The following TEX9 variants were observed in gnomAD, a reference collection of about 807,000 sequenced individuals.
TEX9 encodes the protein testis-expressed protein 9.
Under a neutral mutation model 59.6 loss-of-function variants are expected in TEX9, and 74 were observed. The ratio of observed to expected loss-of-function variants is 1.24; its 90% confidence interval spans 1.03 to 1.51. The LOEUF is 1.51. Ranked by LOEUF, TEX9 falls within the 40% of genes most tolerant of loss-of-function variation. The pLI, the probability that TEX9 is intolerant of heterozygous loss-of-function variation, is 0.00. For missense variants in TEX9, 522 were observed against 447.8 expected, an observed-to-expected ratio of 1.17 and a Z score of -1.49; for synonymous variants, 186 against 152.2, an observed-to-expected ratio of 1.22 and a Z score of -1.64.
At chr15:56,422,751 T>C (rs1297222162) in intron 10 of TEX9, among the ~76,000 whole-genome samples, 1 of 152,022 alleles carries the variant, frequency 6.6e-6, no homozygotes, top group Non-Finnish European at 1.5e-5. Flanking sequence ...AACCTATCCA[T>C]GAACTCTTTT....
chr15:56,278,507 C>A (rs1348256005), intron 1 of TEX9, among the ~76,000 whole-genome samples: 1 of 152,186 alleles, frequency 6.6e-6, no homozygotes, highest in Middle Eastern at 3.2e-3. Context: ...AGCCTGGGTA[C>A]TGTGAGAGAT....
chr15:56,378,777 C>T (rs2047579377), intron 3 of TEX9, among the ~76,000 whole-genome samples: 1 of 151,866 alleles, frequency 6.6e-6, no homozygotes, highest in African/African-American at 2.4e-5. Flanking sequence ...CTTTAAGATG[C>T]ATTGCTGGCT....
chr15:56,328,759 A>C (rs1475244280), intron 1 of TEX9, among the ~76,000 whole-genome samples: 1 of 152,090 alleles, frequency 6.6e-6, no homozygotes, highest in Non-Finnish European at 1.5e-5. Context: ...CCAGCTCAGC[A>C]CTCAGTGGTA....
intron 1 of TEX9, among the ~76,000 whole-genome samples, chr15:56,321,095 A>G (rs1253715120): frequency 6.6e-6 from 1 of 152,144 alleles, no homozygotes; most frequent in Non-Finnish European, 1.5e-5. Flanking sequence ...TTTATTTCCT[A>G]CTTGTGGGAA....
At chr15:56,334,159 T>C (rs545554516) in intron 1 of TEX9, among the ~76,000 whole-genome samples, 1 of 151,916 alleles carries the variant, frequency 6.6e-6, no homozygotes, top group East Asian at 1.9e-4. Context: ...ACAAAAAAAA[T>C]CCTAAAATTT....
intron 1 of TEX9, among the ~76,000 whole-genome samples, chr15:56,251,135 G>C (rs1455875279): frequency 6.6e-6 from 1 of 152,178 alleles, no homozygotes; most frequent in Non-Finnish European, 1.5e-5. Context: ...GTACATAAAT[G>C]TTTATTCCCA....
upstream of TEX9, among the ~76,000 whole-genome samples, chr15:56,365,008 T>C (rs150574408): frequency 9.8e-5 from 15 of 152,326 alleles, no homozygotes; most frequent in African/African-American, 3.4e-4. Flanking sequence ...GCCTGAGTCT[T>C]AGCCATGCAT....
At chr15:56,279,274 A>G (rs2044758009) in intron 1 of TEX9, among the ~76,000 whole-genome samples, 2 of 152,206 alleles carry the variant, frequency 1.3e-5, no homozygotes, top group Non-Finnish European at 1.5e-5. Context: ...TAGGGAAGTG[A>G]ATGACATATA....
rs1438215943 is a variant in TEX9 at position 56,356,311 on chromosome 15, C to G, written c.-106-17130C>G. ...TAGGTTGAAGAAGTTCCCTTCTATT[C>G]TTAGTTGGATGAGAATCCAATGTTT... On this transcript the variant is annotated intron_variant, in intron 1 of 5. Coordinates refer to the TEX9 transcript ENST00000560827. Among the ~76,000 whole-genome samples the G allele has an allele frequency of 2.0e-5, 3 of 151,970 alleles. No individual in the cohort carries two copies. The East Asian group carries it at 5.8e-4, about 29-fold the overall frequency.
chr15:56,428,504 T>TAG (rs1422259647), intron 12 of TEX9: 1 of 1,197,694 alleles, frequency 8.3e-7, no homozygotes, highest in African/African-American at 1.5e-5. Flanking sequence ...TTACTTATTG[T>TAG]AGTGGTTTGA....
chr15:56,352,874 C>T (rs2046611272), intron 1 of TEX9, among the ~76,000 whole-genome samples: 1 of 152,192 alleles, frequency 6.6e-6, no homozygotes, highest in Non-Finnish European at 1.5e-5. Context: ...TACATAGTTT[C>T]ATACTATATG....
At chr15:56,296,330 GT>G (rs1312211056) in intron 1 of TEX9, among the ~76,000 whole-genome samples, 1 of 151,914 alleles carries the variant, frequency 6.6e-6, no homozygotes, top group African/African-American at 2.4e-5. Flanking sequence ...ATTCCATTTT[GT>G]TTTAGAGCCC....
intron 9 of TEX9, among the ~76,000 whole-genome samples, chr15:56,403,266 T>A (rs1322153656): frequency 6.6e-6 from 1 of 152,246 alleles, no homozygotes; most frequent in African/African-American, 2.4e-5. Context: ...CTCCTTAAGC[T>A]GATGAGGAAC....
intron 9 of TEX9, among the ~76,000 whole-genome samples, chr15:56,405,173 G>A (rs2049013729): frequency 6.6e-6 from 1 of 152,008 alleles, no homozygotes; most frequent in Admixed American, 6.6e-5. Context: ...GCGTGGTGGT[G>A]GGCGCCTGTA....
chr15:56,246,674 A>G (rs374926694), intron 1 of TEX9, among the ~76,000 whole-genome samples: 4 of 152,230 alleles, frequency 2.6e-5, no homozygotes, highest in African/African-American at 9.7e-5. Flanking sequence ...TCTCTGGTAA[A>G]TAAGGTAAGA....
At chr15:56,290,985 T>C (rs1321796099) in intron 1 of TEX9, among the ~76,000 whole-genome samples, 2 of 152,316 alleles carry the variant, frequency 1.3e-5, no homozygotes, top group African/African-American at 4.8e-5. Flanking sequence ...AGCTTTTATG[T>C]TTCCCTTTAT....
At chr15:56,401,327 A>C (rs1310477333) in intron 9 of TEX9, among the ~76,000 whole-genome samples, 1 of 150,782 alleles carries the variant, frequency 6.6e-6, no homozygotes, top group African/African-American at 2.4e-5. Flanking sequence ...AAAAAAAAAA[A>C]AAAAACAGGG....
At chr15:56,403,751 C>A in intron 9 of TEX9, among the ~76,000 whole-genome samples, 1 of 152,166 alleles carries the variant, frequency 6.6e-6, no homozygotes. Flanking sequence ...GCTACAGTAA[C>A]CAAAACAGCG....
In TEX9 at chr15:56,252,416, G is replaced by C. The variant is rs569594587; in HGVS notation, c.-107+8138G>C. 1.5e-4 allele frequency among the ~76,000 whole-genome samples: 8 copies of C among 52,554 alleles called. No individual in the cohort carries two copies. The South Asian group carries it at 2.8e-3, about 18-fold the overall frequency. The allele number at this position is 52,554 out of a possible 152,430, so 34.5% of individuals were successfully genotyped here. A position where few individuals can be genotyped will look rare whatever the true frequency, so the allele number is the denominator to read the frequency against. Reference sequence around the variant, plus strand: ...TTTTTGTCCAGGCCACAAAATAAAAGCAGAATGTCAGAAAAAGCAGAATGG... The same window carrying C: ...TTTTTGTCCAGGCCACAAAATAAAACCAGAATGTCAGAAAAAGCAGAATGG... On this transcript the variant is annotated intron_variant, in intron 1 of 5. Coordinates refer to the TEX9 transcript ENST00000560827.
Sources: gnomAD v4.1 joint callset for allele counts (sites outside exome capture counted in the v4.1 genomes callset) on GRCh38, gnomAD v4.1.1 for gene constraint, MANE v1.5 for transcripts, NCBI Gene and HGNC (gene_info 2026-07-23, HGNC 2026-07-21) for gene names.